Variants in RPTOR observed in about 807,000 individuals in gnomAD.
RPTOR encodes the protein regulatory associated protein of MTOR complex 1.
RPTOR carries 21 observed loss-of-function variants against 169.9 expected under a neutral mutation model. The ratio of observed to expected loss-of-function variants is 0.12; its 90% CI spans 0.09 to 0.18. The LOEUF is 0.18. Ranked by LOEUF, RPTOR falls within the 10% of genes least tolerant of loss-of-function variation. The pLI is 1.00. For missense variants in RPTOR, 1,133 were observed against 1,855.9 expected, an observed-to-expected ratio of 0.61 and a Z score of 7.16; for synonymous variants, 732 against 753.2, an observed-to-expected ratio of 0.97 and a Z score of 0.46.
chr17:80,577,621 A>C (rs922335914), intron 1 of RPTOR, among the ~76,000 whole-genome samples: 3 of 152,180 alleles, frequency 2.0e-5, no homozygotes, highest in African/African-American at 7.2e-5. Context: ...TCACTGAAGA[A>C]TTGGATAAGT....
At chr17:80,774,458 T>A (rs1407344747) in intron 6 of RPTOR, 1 of 669,716 alleles carries the variant, frequency 1.5e-6, no homozygotes, top group African/African-American at 1.9e-5. Context: ...ATCACTGTGT[T>A]ACTGATGAGG....
chr17:80,586,542 AC>A (rs753796367), intron 1 of RPTOR, among the ~76,000 whole-genome samples: 2 of 152,198 alleles, frequency 1.3e-5, no homozygotes, highest in African/African-American at 2.4e-5. Context: ...GTGCTCTGGT[AC>A]CCGCCTTCCT....
In RPTOR at chr17:80,609,116, G is replaced by A. The variant is rs578019683; in HGVS notation, c.163-16575G>A. On this transcript the variant is annotated intron_variant, in intron 1 of 33. Transcript: ENST00000306801. This position sits in a 1 kb window ranked among gnomAD's most constrained non-coding sequence, Gnocchi z 4.8. ...CAGGGAAGCATGGAGAGCACAGCGC[G>A]ACCCGTGTGGAGAGGGCATCACTAG... Among the ~76,000 whole-genome samples, 2 of 152,290 alleles carry A rather than the reference G, an allele frequency of 1.3e-5. No individual in the cohort carries two copies. The highest frequency in any genetic ancestry group is 2.1e-4 in the South Asian group (1 of 4,820).
chr17:80,865,683 A>C (rs1019754009), intron 13 of RPTOR, among the ~76,000 whole-genome samples: 3 of 152,048 alleles, frequency 2.0e-5, no homozygotes, highest in Non-Finnish European at 4.4e-5. Context: ...CTGCGAGGAG[A>C]AGTAGATAAA....
chr17:80,646,365 C>T lies in RPTOR; in HGVS notation c.348+2555C>T, dbSNP rs1159594800. ...CCCAGGTGTGAGCGTGGGGCTGTGC[C>T]ATATGCACTGGGTAATAATAGCACT... On this transcript the variant is annotated intron_variant, in intron 3 of 33. Coordinates refer to ENST00000306801, the MANE Select transcript of RPTOR (RefSeq NM_020761.3). This position sits in a 1 kb window ranked among gnomAD's most constrained non-coding sequence, Gnocchi z 5.0. Among the ~76,000 whole-genome samples, 1 of 152,196 alleles carries T rather than the reference C, an allele frequency of 6.6e-6. No homozygotes were observed. The highest frequency in any genetic ancestry group is 2.4e-5 in the African/African-American group (1 of 41,450).
At chr17:80,545,866 C>A in intron 1 of RPTOR, 75 bp downstream of exon 1, 1 of 1,330,106 alleles carries the variant, frequency 7.5e-7, no homozygotes, top group Non-Finnish European at 1.0e-6. Context: ...CGAAAAGTGT[C>A]CTTGGGAAAG....
intron 1 of RPTOR, among the ~76,000 whole-genome samples, chr17:80,622,996 T>C (rs1317651656): frequency 6.6e-6 from 1 of 152,204 alleles, no homozygotes; most frequent in African/African-American, 2.4e-5. Flanking sequence ...CTTTTTCCTA[T>C]ACAACTTTAA....
intron 6 of RPTOR, among the ~76,000 whole-genome samples, chr17:80,784,673 A>T (rs2066973691): frequency 6.7e-6 from 1 of 148,570 alleles, no homozygotes; most frequent in Non-Finnish European, 1.5e-5. Flanking sequence ...GATTACAGGC[A>T]TGAGCCACTG....
intron 3 of RPTOR, among the ~76,000 whole-genome samples, chr17:80,696,768 C>G (rs191232242): frequency 6.6e-6 from 1 of 152,190 alleles, no homozygotes; most frequent in Non-Finnish European, 1.5e-5. Context: ...AGCCAGCCCC[C>G]CCAAGCACCA....
intron 6 of RPTOR, among the ~76,000 whole-genome samples, chr17:80,757,983 A>G (rs2066698057): frequency 6.6e-6 from 1 of 152,152 alleles, no homozygotes; most frequent in Non-Finnish European, 1.5e-5. Flanking sequence ...AGATTGGTCC[A>G]CCTGACTCAG....
intron 17 of RPTOR, among the ~76,000 whole-genome samples, chr17:80,886,259 C>T (rs887617832): frequency 6.6e-6 from 1 of 152,214 alleles, no homozygotes; most frequent in African/African-American, 2.4e-5. Flanking sequence ...CTCAGCCAGA[C>T]GAAGTGTGGA....
intron 5 of RPTOR, among the ~76,000 whole-genome samples, chr17:80,743,700 GC>G (rs879516699): frequency 0.096 from 12,523 of 130,182 alleles, 1,640 homozygotes; most frequent in Non-Finnish European, 0.14. Flanking sequence ...CACAGCCCTG[GC>G]TACTAGCACT....
intron 5 of RPTOR, among the ~76,000 whole-genome samples, chr17:80,742,514 GACA>G (rs1329029753): frequency 6.6e-6 from 1 of 151,856 alleles, no homozygotes; most frequent in Non-Finnish European, 1.5e-5. Context: ...CATGCACATA[GACA>G]ACACATGCAC....
chr17:80,650,133 C>T (rs1233945075), intron 3 of RPTOR, among the ~76,000 whole-genome samples: 1 of 152,214 alleles, frequency 6.6e-6, no homozygotes, highest in Non-Finnish European at 1.5e-5. Context: ...GTTCTGCAGC[C>T]TCCTGGAGGA....
At chr17:80,828,097 C>G (rs1598335000) in intron 9 of RPTOR, among the ~76,000 whole-genome samples, 1 of 152,184 alleles carries the variant, frequency 6.6e-6, no homozygotes, top group East Asian at 1.9e-4. Context: ...GGTGTTTAAC[C>G]AGGGAGGAAA....
intron 3 of RPTOR, among the ~76,000 whole-genome samples, chr17:80,666,563 A>G (rs528684367): frequency 3.1e-4 from 47 of 152,378 alleles, no homozygotes; most frequent in African/African-American, 1.1e-3. Flanking sequence ...TATATGCGTC[A>G]CTTTGCTAGT....
intron 3 of RPTOR, among the ~76,000 whole-genome samples, chr17:80,648,805 C>T (rs1035948036): frequency 1.3e-5 from 2 of 152,120 alleles, no homozygotes; most frequent in Admixed American, 6.5e-5. Flanking sequence ...ACAATTCCCA[C>T]GTGCCATAGG....
rs534294350 is a variant in RPTOR, at chr17:80,936,782, T to A, written c.2920-3714T>A. 2.0e-5 allele frequency among the ~76,000 whole-genome samples: 3 copies of A among 152,374 alleles called. No homozygotes were observed. In the East Asian group the frequency reaches 5.8e-4, roughly 29 times the overall value. ...GAAGAAACTCTTTTCCCTCTTGTGCTGAAGTCACATGAAAGATGATGTAAA... is the reference window on the plus strand; with the variant it reads ...GAAGAAACTCTTTTCCCTCTTGTGCAGAAGTCACATGAAAGATGATGTAAA... On this transcript the variant is annotated intron_variant, in intron 24 of 33. Transcript: ENST00000306801. This position sits in a 1 kb window ranked among gnomAD's most constrained non-coding sequence, Gnocchi z 4.1.
chr17:80,648,459 C>T (rs1030178524), intron 3 of RPTOR, among the ~76,000 whole-genome samples: 1 of 151,888 alleles, frequency 6.6e-6, no homozygotes, highest in African/African-American at 2.4e-5. Context: ...TTGACCTGTC[C>T]ACCTCACAGG....
Sources: allele counts gnomAD v4.1 joint callset (sites outside exome capture counted in the v4.1 genomes callset), GRCh38; gene constraint gnomAD v4.1.1; non-coding constraint Gnocchi (gnomAD v3.1); transcripts MANE v1.5; gene names NCBI Gene and HGNC (gene_info 2026-07-23, HGNC 2026-07-21).